Variants in RFC5 observed in about 807,000 individuals in gnomAD.
The protein encoded by RFC5 is A1 36 kDa subunit.
A neutral mutation model predicts 44.3 loss-of-function variants in RFC5; 26 were observed. The ratio of observed to expected loss-of-function variants is 0.59; its 90% confidence interval spans 0.43 to 0.81. The LOEUF (loss-of-function observed/expected upper bound fraction) is 0.81, where lower values mean the gene tolerates loss of function less well. Among genes scored for constraint, RFC5 ranks in the 40% least tolerant of loss-of-function variants. RFC5 has a pLI of 0.00. For synonymous variants in RFC5, 155 were observed against 155.2 expected (o/e 1.00, Z 0.01); for missense variants, 328 against 418.6 (o/e 0.78, Z 1.89).
chr12:118,027,369 G>A (rs534030159), intron 8 of RFC5: 1 of 201,078 alleles, frequency 5.0e-6, no homozygotes, highest in Admixed American at 5.7e-5. Context: ...GTGACACAAA[G>A]CCTTTTTGGA....
downstream of RFC5, chr12:118,035,021 G>A (rs532329272): frequency 1.2e-6 from 2 of 1,614,158 alleles, no homozygotes; most frequent in African/African-American, 1.3e-5. Context: ...GAAAAAATGT[G>A]CAGCAAAGCC....
At chr12:118,021,432 C>T (rs1052247472) in intron 4 of RFC5, among the ~76,000 whole-genome samples, 18 of 151,842 alleles carry the variant, frequency 1.2e-4, no homozygotes, top group African/African-American at 4.4e-4. Context: ...AGGCTGGTCT[C>T]GAACTCCTGA....
At chr12:118,018,663 G>A (rs566130778) in intron 1 of RFC5, among the ~76,000 whole-genome samples, 4 of 152,112 alleles carry the variant, frequency 2.6e-5, no homozygotes, top group African/African-American at 9.6e-5. Context: ...GTGCTGGAGT[G>A]CAGTGGTGCA....
At chr12:118,038,316 A>C in the RFC5 span, 1 of 1,614,178 alleles carries the variant, frequency 6.2e-7, no homozygotes, top group Non-Finnish European at 8.5e-7. Flanking sequence ...AGAGCACAGC[A>C]TGCTGCAGTC....
At chr12:118,023,410 GA>G (rs1416360167) in intron 5 of RFC5, among the ~76,000 whole-genome samples, 1 of 30,700 alleles carries the variant, frequency 3.3e-5, no homozygotes, top group Non-Finnish European at 5.7e-5. Flanking sequence ...GGAGGAGGAG[GA>G]GGGGGGAGGA....
At chr12:118,028,616 A>G (rs2031116305) in intron 9 of RFC5, among the ~76,000 whole-genome samples, 1 of 151,892 alleles carries the variant, frequency 6.6e-6, no homozygotes, top group African/African-American at 2.4e-5. Flanking sequence ...TTATAGCAGT[A>G]AGTAGTATAT....
downstream of RFC5, among the ~76,000 whole-genome samples, chr12:118,037,008 C>G (rs2031526531): frequency 6.6e-6 from 1 of 152,022 alleles, no homozygotes; most frequent in African/African-American, 2.4e-5. Context: ...ATGGCAAAAC[C>G]CCATCTCTAC....
At chr12:118,037,667 T>TAAA (rs752087366), downstream of RFC5, among the ~76,000 whole-genome samples, 1 of 123,556 alleles carries the variant, frequency 8.1e-6, no homozygotes, top group African/African-American at 2.9e-5. Context: ...AAACTCTGTC[T>TAAA]AAAAAAAAAA....
chr12:118,040,860 C>T, the RFC5 span, among the ~76,000 whole-genome samples: 1 of 152,130 alleles, frequency 6.6e-6, no homozygotes, highest in Admixed American at 6.6e-5. Context: ...CCAGCCTGGC[C>T]AACGTGGTGA....
At chr12:118,036,961 C>A (rs1219669159), downstream of RFC5, among the ~76,000 whole-genome samples, 2 of 152,128 alleles carry the variant, frequency 1.3e-5, no homozygotes, top group African/African-American at 4.8e-5. Flanking sequence ...GTGGGTGGAT[C>A]ACATGAGGCC....
intron 5 of RFC5, 37 bp downstream of exon 5, chr12:118,022,396 G>T (rs780422838): frequency 1.4e-6 from 2 of 1,385,288 alleles, no homozygotes; most frequent in Non-Finnish European, 2.1e-6. Flanking sequence ...GGGCTGGTGT[G>T]CACACTGGAA....
chr12:118,027,024 C>A lies in RFC5; in HGVS notation c.793+6C>A. 6.2e-7 allele frequency: 1 copy of A among 1,610,500 alleles called. No individual in the cohort carries two copies. The highest frequency in any genetic ancestry group is 2.2e-5 in the East Asian group (1 of 44,836). On this transcript the variant is annotated splice_donor_region_variant and intron_variant, in intron 8 of 10. Transcript: ENST00000454402. The stretch of plus-strand genomic sequence containing the variant: ...TTTCACCACAGCCTACAGAAGTATC[C>A]TTTCTCATGACCTCCTGGCCACCGA...
At chr12:118,039,234 C>A in the RFC5 span, among the ~76,000 whole-genome samples, 1 of 152,132 alleles carries the variant, frequency 6.6e-6, no homozygotes, top group Non-Finnish European at 1.5e-5. Context: ...AATCCTGACT[C>A]CCCTGCTAAT....
chr12:118,022,146 A>G, intron 4 of RFC5, 140 bp from the exon 5 acceptor site: 1 of 663,468 alleles, frequency 1.5e-6, no homozygotes, highest in Non-Finnish European at 2.7e-6. Flanking sequence ...GTGACCAAAG[A>G]TGTCTGCCTT....
At chr12:118,034,586 T>TCTCG, downstream of RFC5, 1 of 555,036 alleles carries the variant, frequency 1.8e-6, no homozygotes, top group South Asian at 2.6e-5. Context: ...TCTCTCTGTC[T>TCTCG]CTCTCTCGGC....
intron 6 of RFC5, 74 bp from the exon 7 acceptor site, chr12:118,025,673 G>A (rs905710920): frequency 1.8e-5 from 15 of 834,102 alleles, no homozygotes; most frequent in Non-Finnish European, 3.0e-5. Context: ...AATCATTCCA[G>A]GCCATCTTGT....
At chr12:118,035,722 T>C (rs2031495580), downstream of RFC5, 1 of 184,890 alleles carries the variant, frequency 5.4e-6, no homozygotes, top group Admixed American at 5.4e-5. Context: ...AAACTCATTT[T>C]GGAAAGCACA....
intron 5 of RFC5, among the ~76,000 whole-genome samples, chr12:118,024,152 T>C (rs566535520): frequency 1.4e-4 from 21 of 151,992 alleles, no homozygotes; most frequent in Non-Finnish European, 2.4e-4. Flanking sequence ...CCATCCTGGC[T>C]AACATGGTGA....
At chr12:118,022,231 C>T (rs2030550543) in intron 4 of RFC5, 55 bp from the exon 5 acceptor site, 1 of 1,367,122 alleles carries the variant, frequency 7.3e-7, no homozygotes, top group East Asian at 2.3e-5. Flanking sequence ...GGTTTGAGCC[C>T]AGATGTTGAG....
Sources: gnomAD v4.1 joint callset for allele counts (sites outside exome capture counted in the v4.1 genomes callset) on GRCh38, gnomAD v4.1.1 for gene constraint, MANE v1.5 for transcripts, NCBI Gene and HGNC (gene_info 2026-07-23, HGNC 2026-07-21) for gene names.